ANAPC5: variants seen among roughly 807,000 people sequenced by gnomAD.
The protein encoded by ANAPC5 is anaphase promoting complex subunit 5.
ANAPC5 carries 60 observed loss-of-function variants against 91.3 expected under a neutral mutation model. The observed-to-expected ratio is 0.66, with a 90% CI of 0.53 to 0.81. The LOEUF is 0.81. Among genes scored for constraint, ANAPC5 ranks in the 40% least tolerant of loss-of-function variants. The pLI is 0.00. For synonymous variants in ANAPC5, 340 were observed against 364.1 expected (o/e 0.93, Z 0.75); for missense variants, 690 against 931.5 (o/e 0.74, Z 3.37).
At chr12:121,326,481 T>G (rs904060025) in intron 11 of ANAPC5, 3 of 152,228 alleles carry the variant, frequency 2.0e-5, no homozygotes, top group African/African-American at 7.2e-5. Context: ...TGATCCCTTA[T>G]AAAGAGAATC....
chr12:121,312,335 G>A lies in ANAPC5; in HGVS notation c.1894-2472C>T, dbSNP rs542803733. ...TCCCAGCACTCTGTGAGGCTGAGGC[G>A]GGTGGATCACCTGAGGGCAGGAGTT... On this transcript the variant is annotated intron_variant, in intron 15 of 16. Transcript: ENST00000261819. 1.6e-3 allele frequency among the ~76,000 whole-genome samples: 245 copies of A among 151,932 alleles called. 1 individual carries two copies. Among genetic ancestry groups the A allele is most frequent in the South Asian group, 7.7e-3 (37 of 4,814 alleles).
chr12:121,311,749 C>T (rs1902174393), intron 15 of ANAPC5, among the ~76,000 whole-genome samples: 1 of 152,166 alleles, frequency 6.6e-6, no homozygotes, highest in Non-Finnish European at 1.5e-5. Flanking sequence ...GGGAGGATCA[C>T]TTGAGCTCAG....
intron 15 of ANAPC5, among the ~76,000 whole-genome samples, chr12:121,315,837 A>G (rs557137361): frequency 9.8e-5 from 15 of 152,342 alleles, no homozygotes; most frequent in African/African-American, 3.4e-4. Context: ...CATTAAAACT[A>G]TAATACTGTG....
At chr12:121,336,704 T>A (rs1249202726) in intron 6 of ANAPC5, among the ~76,000 whole-genome samples, 4 of 151,936 alleles carry the variant, frequency 2.6e-5, no homozygotes, top group Non-Finnish European at 5.9e-5. Context: ...CAAACACTGT[T>A]TTTTGCATCA....
rs148425102 is a variant in ANAPC5 at position 121,321,513 on chromosome 12, C to T, written c.1441-1054G>A. Reference sequence around the variant, plus strand: ...GGGAATACAGGTGCATGCCACCACACACCTGGCTATACAAAATCCTTTTTT... The same window carrying T: ...GGGAATACAGGTGCATGCCACCACATACCTGGCTATACAAAATCCTTTTTT... On this transcript the variant is annotated intron_variant, in intron 11 of 16. Transcript: ENST00000261819. Among the ~76,000 whole-genome samples, 728 of 149,224 alleles carry T rather than the reference C, an allele frequency of 4.9e-3. 6 individuals carry two copies. Among genetic ancestry groups the T allele is most frequent in the Admixed American group, 9.5e-3 (143 of 14,998 alleles).
intron 15 of ANAPC5, among the ~76,000 whole-genome samples, chr12:121,312,194 C>T (rs1394158139): frequency 6.6e-6 from 1 of 152,140 alleles, no homozygotes. Flanking sequence ...TGGAAATTAA[C>T]ATACTCTTAA....
At chr12:121,350,790 A>C (rs1903856950) in intron 1 of ANAPC5, among the ~76,000 whole-genome samples, 1 of 152,178 alleles carries the variant, frequency 6.6e-6, no homozygotes, top group African/African-American at 2.4e-5. Context: ...GGGATGTACC[A>C]GTAAACAAAA....
chr12:121,346,797 T>C (rs1555274733), intron 3 of ANAPC5, 99 bp downstream of exon 3: 2 of 624,098 alleles, frequency 3.2e-6, no homozygotes, highest in African/African-American at 3.9e-5. Context: ...ATCCCCACTG[T>C]GTCTGTTCAC....
intron 16 of ANAPC5, among the ~76,000 whole-genome samples, chr12:121,309,394 C>T (rs570921136): frequency 3.3e-5 from 5 of 151,676 alleles, no homozygotes; most frequent in South Asian, 2.1e-4. Flanking sequence ...GCCGAGATCA[C>T]GCCACTGCAC....
chr12:121,329,184 T>G (rs1251645148), intron 9 of ANAPC5: 1 of 152,236 alleles, frequency 6.6e-6, no homozygotes, highest in Non-Finnish European at 1.5e-5. Context: ...GACGGAGTCT[T>G]GCTCTGTCGC....
At chr12:121,353,918 A>C (rs1903994502), upstream of ANAPC5, among the ~76,000 whole-genome samples, 1 of 151,740 alleles carries the variant, frequency 6.6e-6, no homozygotes, top group Non-Finnish European at 1.5e-5. Flanking sequence ...TGCCAGGCTC[A>C]AGCAATCCTC....
chr12:121,324,872 C>A (rs1902751529), intron 11 of ANAPC5, among the ~76,000 whole-genome samples: 1 of 151,860 alleles, frequency 6.6e-6, no homozygotes, highest in Admixed American at 6.6e-5. Context: ...ACAGTGAGAC[C>A]CCATCTCTTA....
At position 121,330,597 on chromosome 12, in the gene ANAPC5, G is replaced by A. The variant is rs1055013633; in HGVS notation, c.1108C>T (p.His370Tyr). 18 of 1,613,704 alleles carry A rather than the reference G, an allele frequency of 1.1e-5. No individual in the cohort carries two copies. The highest frequency in any genetic ancestry group is 1.7e-5 in the Admixed American group (1 of 59,950). Residue 370 changes from histidine (H) to tyrosine (Y), a missense_variant, in exon 9 of 17, where the codon CAT (histidine) becomes TAT (tyrosine). By Grantham distance (83) the His-to-Tyr change is moderately conservative. This residue lies in a region of ANAPC5 where 16 missense variants were observed against 49.5 expected (regional missense o/e 0.32). Coordinates refer to ENST00000261819, the MANE Select transcript of ANAPC5 (RefSeq NM_016237.5). Reference sequence around the variant, plus strand: ...ATGAGCCTTACCGGTAACCCAAAATGTACTGCCTTCTTCACAGAATGCTCC... The same window carrying A: ...ATGAGCCTTACCGGTAACCCAAAATATACTGCCTTCTTCACAGAATGCTCC... Reference protein sequence around the residue: ...LLEHSVKKAVHFGLPYLASLG... With the variant: ...LLEHSVKKAVYFGLPYLASLG...
chr12:121,352,120 C>T lies in ANAPC5; in HGVS notation c.207+14G>A. 1 of 1,593,212 alleles carries T rather than the reference C, an allele frequency of 6.3e-7. No individual in the cohort carries two copies. Among genetic ancestry groups the T allele is most frequent in the Non-Finnish European group, 8.6e-7 (1 of 1,166,716 alleles). Reference sequence around the variant, plus strand: ...AGTTTGCTGCACGAGCAGGAGCCAGCGGGCGCCTCTCACCTGCAGCAGGGG... The same window carrying T: ...AGTTTGCTGCACGAGCAGGAGCCAGTGGGCGCCTCTCACCTGCAGCAGGGG... On this transcript the variant is annotated intron_variant, in intron 1 of 16. Transcript: ENST00000261819.
At chr12:121,319,019 C>CA (rs879845439) in intron 13 of ANAPC5, among the ~76,000 whole-genome samples, 1,719 of 133,264 alleles carry the variant, frequency 0.013, 22 homozygotes, top group African/African-American at 0.04. Context: ...GACTCTGCCT[C>CA]AAAAAAAAAA....
Position 121,328,429 on chromosome 12 carries a change from C to T in ANAPC5, c.1191G>A (p.Lys397=). 1.2e-6 allele frequency: 2 copies of T among 1,613,842 alleles called. No individual in the cohort carries two copies. The highest frequency in any genetic ancestry group is 2.2e-5 in the South Asian group (2 of 91,060). The change falls in exon 10 of 17, where the codon AAG becomes AAA. Residue 397 remains lysine, a synonymous_variant. Transcript: ENST00000261819. Reference sequence around the variant, plus strand: ...CGGAGTCCTTTAGGGCATCCATCAGCTTGTTTGCCGTCTTCCCAGCAAAAG... The same window carrying T: ...CGGAGTCCTTTAGGGCATCCATCAGTTTGTTTGCCGTCTTCCCAGCAAAAG... ...QRAFAGKTAN[K]LMDALKDSDL... is the part of the protein sequence containing the mutation.
At chr12:121,335,365 C>A (rs1336009774) in intron 7 of ANAPC5, among the ~76,000 whole-genome samples, 168 bp downstream of exon 7, 1 of 152,140 alleles carries the variant, frequency 6.6e-6, no homozygotes. Flanking sequence ...GGGGTTTCAC[C>A]ATTTTGGCCA....
At chr12:121,328,230 T>C (rs1566186852) in intron 10 of ANAPC5, 86 bp downstream of exon 10, 4 of 1,234,556 alleles carry the variant, frequency 3.2e-6, no homozygotes, top group Non-Finnish European at 4.6e-6. Context: ...AGGTAAATCT[T>C]GTATGTATGG....
intron 5 of ANAPC5, among the ~76,000 whole-genome samples, chr12:121,338,809 A>G (rs1555273774): frequency 1.3e-5 from 2 of 151,996 alleles, no homozygotes; most frequent in Admixed American, 6.6e-5. Flanking sequence ...TTTGTTAAAA[A>G]TATGTGTATA....
Sources: gnomAD v4.1 joint callset for allele counts (sites outside exome capture counted in the v4.1 genomes callset) on GRCh38, gnomAD v4.1.1 for gene constraint, gnomAD v4.1.1 regional missense constraint, MANE v1.5 for transcripts, NCBI Gene and HGNC (gene_info 2026-07-23, HGNC 2026-07-21) for gene names.